MPDZ: variants seen among roughly 807,000 people sequenced by gnomAD.
The protein encoded by MPDZ is multiple PDZ domain protein.
In MPDZ, 234 loss-of-function variants were observed where a neutral mutation model predicts 239.1. The observed-to-expected ratio is 0.98, with a 90% confidence interval of 0.88 to 1.09. The LOEUF (loss-of-function observed/expected upper bound fraction) is 1.09. Among genes scored for constraint, MPDZ ranks in the 50% least tolerant of loss-of-function variants. The pLI is 0.00. For missense variants in MPDZ, 3,175 were observed against 2,510.0 expected, an observed-to-expected ratio of 1.26 and a Z score of -5.66; for synonymous variants, 1,048 against 881.3, an observed-to-expected ratio of 1.19 and a Z score of -3.35.
intron 1 of MPDZ, among the ~76,000 whole-genome samples, chr9:13,262,812 T>G (rs1970988262): frequency 6.6e-6 from 1 of 152,174 alleles, no homozygotes; most frequent in Admixed American, 6.5e-5. Flanking sequence ...ATCTCAATAA[T>G]GAAATGGAGA....
At position 13,125,323 on chromosome 9, in the gene MPDZ, G is replaced by A. The variant is rs756626342; in HGVS notation, c.4700C>T (p.Ser1567Phe). ...KLTIHAENPD[S>F]QAVPSAAGAA... ...ACCAGCTGCTGAAGGAACAGCCTGG[G>A]AATCTGGATTCTCAGCATGGATGGT... The change falls in exon 35 of 47, where the codon TCC becomes TTC. Residue 1567 changes from serine to phenylalanine, a missense_variant. By Grantham distance (155) the Ser-to-Phe change is radical. Transcript: ENST00000319217. 1 of 1,613,868 alleles carries A rather than the reference G, an allele frequency of 6.2e-7. No individual in the cohort carries two copies. Among genetic ancestry groups the A allele is most frequent in the Non-Finnish European group, 8.5e-7 (1 of 1,179,760 alleles).
intron 29 of MPDZ, among the ~76,000 whole-genome samples, chr9:13,137,120 T>C (rs1946939468): frequency 6.6e-6 from 1 of 152,120 alleles, no homozygotes; most frequent in African/African-American, 2.4e-5. Context: ...CAGCATGCTC[T>C]GCACAAAACG....
chr9:13,241,983 T>C (rs955175768), intron 3 of MPDZ, among the ~76,000 whole-genome samples: 1 of 152,110 alleles, frequency 6.6e-6, no homozygotes, highest in Non-Finnish European at 1.5e-5. Flanking sequence ...TTTTCTAGAA[T>C]TTGCTCCTGT....
At chr9:13,187,764 C>CGTGTATCTGCCTTTTCAT (rs1200948771) in intron 17 of MPDZ, among the ~76,000 whole-genome samples, 11 of 1,654 alleles carry the variant, frequency 6.7e-3, no homozygotes, top group Admixed American at 0.056. Flanking sequence ...TTTCTTAAGA[C>CGTGTATCTGCCTTTTCAT]TTCAAACTAT....
intron 3 of MPDZ, among the ~76,000 whole-genome samples, chr9:13,243,366 T>C (rs1220382407): frequency 6.6e-6 from 1 of 151,048 alleles, no homozygotes; most frequent in African/African-American, 2.4e-5. Flanking sequence ...TCTATCTCTT[T>C]TTTTTTTTTT....
intron 1 of MPDZ, among the ~76,000 whole-genome samples, chr9:13,268,537 G>A (rs779951852): frequency 2.0e-5 from 3 of 152,056 alleles, no homozygotes; most frequent in East Asian, 1.9e-4. Context: ...AGTGGAAAAC[G>A]GTAAGTAATT....
intron 1 of MPDZ, among the ~76,000 whole-genome samples, chr9:13,263,517 G>A (rs1383922202): frequency 6.6e-6 from 1 of 151,738 alleles, no homozygotes; most frequent in African/African-American, 2.4e-5. Flanking sequence ...CCTAATTCCA[G>A]CAAAACTAAA....
At position 13,158,017 on chromosome 9, in the gene MPDZ, C is replaced by G. The variant is rs1268344865; in HGVS notation, c.3452+1G>C. 6.2e-7 allele frequency: 1 copy of G among 1,611,440 alleles called. No homozygotes were observed. The highest frequency in any genetic ancestry group is 2.2e-5 in the East Asian group (1 of 44,726). ...GGACAGAAGACAGAAATAGTCCTTA[C>G]CGCCTGGGCTGATTCCAATTGCTAT... On this transcript the variant is annotated splice_donor_variant, in intron 24 of 46. Transcript: ENST00000319217. LOFTEE classifies it high-confidence loss of function.
chr9:13,213,951 G>A (rs150041179), intron 10 of MPDZ, among the ~76,000 whole-genome samples: 1 of 152,098 alleles, frequency 6.6e-6, no homozygotes, highest in Non-Finnish European at 1.5e-5. Context: ...TGATTTTCCT[G>A]AATATCACAC....
At chr9:13,266,331 T>C (rs1182817622) in intron 1 of MPDZ, among the ~76,000 whole-genome samples, 1 of 152,204 alleles carries the variant, frequency 6.6e-6, no homozygotes, top group African/African-American at 2.4e-5. Flanking sequence ...TTTTCTCTCC[T>C]GTACTGTGCT....
intron 39 of MPDZ, 92 bp downstream of exon 39, chr9:13,119,410 A>T: frequency 7.1e-7 from 1 of 1,414,560 alleles, no homozygotes; most frequent in Non-Finnish European, 9.6e-7. Flanking sequence ...AAATAAAGAG[A>T]AGTCATTACT....
intron 41 of MPDZ, 58 bp from the exon 42 acceptor site, chr9:13,113,112 C>G: frequency 6.9e-7 from 1 of 1,439,506 alleles, no homozygotes. Context: ...TTTTTATGTT[C>G]GTTAAAATAT....
chr9:13,177,810 T>G (rs1952703196), intron 19 of MPDZ, among the ~76,000 whole-genome samples: 2 of 152,138 alleles, frequency 1.3e-5, no homozygotes, highest in African/African-American at 4.8e-5. Context: ...CAGAGAGTAT[T>G]CATATCCACA....
intron 1 of MPDZ, among the ~76,000 whole-genome samples, chr9:13,262,233 C>T (rs1352063007): frequency 6.6e-6 from 1 of 151,844 alleles, no homozygotes; most frequent in Non-Finnish European, 1.5e-5. Flanking sequence ...GAGGGCAAGA[C>T]TGGTGGATCG....
intron 13 of MPDZ, among the ~76,000 whole-genome samples, chr9:13,194,488 T>G (rs1347217273): frequency 6.6e-6 from 1 of 150,936 alleles, no homozygotes; most frequent in Non-Finnish European, 1.5e-5. Flanking sequence ...TAAGTGGGAG[T>G]TGAACAATGA....
chr9:13,169,373 C>T (rs1198401430), intron 21 of MPDZ, among the ~76,000 whole-genome samples: 1 of 152,050 alleles, frequency 6.6e-6, no homozygotes, highest in Non-Finnish European at 1.5e-5. Flanking sequence ...AATTGCACTA[C>T]CACACTACCC....
intron 43 of MPDZ, among the ~76,000 whole-genome samples, chr9:13,111,438 A>C (rs1416755085): frequency 6.6e-6 from 1 of 152,202 alleles, no homozygotes; most frequent in Non-Finnish European, 1.5e-5. Flanking sequence ...TGAGGTATGA[A>C]ACCATAGAGA....
intron 8 of MPDZ, among the ~76,000 whole-genome samples, chr9:13,217,780 A>G (rs1242872817): frequency 1.3e-5 from 2 of 151,722 alleles, no homozygotes; most frequent in African/African-American, 2.4e-5. Flanking sequence ...CCATTTATTG[A>G]GCAGTTTGTG....
chr9:13,120,621 C>G (rs1375945971), intron 38 of MPDZ: 2 of 152,262 alleles, frequency 1.3e-5, no homozygotes, highest in East Asian at 3.9e-4. Context: ...TAAATTCTTT[C>G]TGTGTTTAAA....
Sources: gnomAD v4.1 joint callset for allele counts (sites outside exome capture counted in the v4.1 genomes callset) on GRCh38, gnomAD v4.1.1 for gene constraint, MANE v1.5 for transcripts, NCBI Gene and HGNC (gene_info 2026-07-23, HGNC 2026-07-21) for gene names.